SEMA3A: variants seen among roughly 807,000 people sequenced by gnomAD.
SEMA3A encodes semaphorin 3A.
In SEMA3A, 29 loss-of-function variants were observed where a neutral mutation model predicts 97.9. The observed-to-expected ratio is 0.30, with a 90% CI of 0.22 to 0.40. The LOEUF (loss-of-function observed/expected upper bound fraction) is 0.40. Ranked by LOEUF, SEMA3A falls within the 10% of genes least tolerant of loss-of-function variation. SEMA3A has a pLI of 1.00. For synonymous variants in SEMA3A, 321 were observed against 323.7 expected (o/e 0.99, Z 0.09); for missense variants, 763 against 951.3 (o/e 0.80, Z 2.60).
At position 84,154,270 on chromosome 7, in the gene SEMA3A, TG is replaced by T. The variant is rs574709061; in HGVS notation, c.113-19320del. Reference sequence around the variant, plus strand: ...AGTAAAGCTGGGATGCCAAAATATTTGGGGGAAAATAGTTTGGTGGAAATTG... The same window carrying T: ...AGTAAAGCTGGGATGCCAAAATATTTGGGGAAAATAGTTTGGTGGAAATTG... On this transcript the variant is annotated intron_variant, in intron 1 of 16. Coordinates refer to ENST00000265362, the MANE Select transcript of SEMA3A (RefSeq NM_006080.3). Among the ~76,000 whole-genome samples, 337 of 152,218 alleles carry T rather than the reference TG, an allele frequency of 2.2e-3. 2 individuals are homozygous for T. The highest frequency in any genetic ancestry group is 7.8e-3 in the African/African-American group (324 of 41,502).
chr7:84,454,044 C>T (rs889400469), intron 1 of SEMA3A, among the ~76,000 whole-genome samples: 25 of 152,118 alleles, frequency 1.6e-4, no homozygotes, highest in African/African-American at 6.0e-4. Context: ...TACTGTGCTG[C>T]AATTATTTAC....
intron 4 of SEMA3A, among the ~76,000 whole-genome samples, chr7:84,081,679 T>G (rs1056038161): frequency 1.8e-4 from 27 of 151,144 alleles, no homozygotes; most frequent in African/African-American, 6.3e-4. Context: ...AGTCAGTCTC[T>G]AAAAACTATG....
At chr7:84,003,967 C>A (rs949005235) in intron 11 of SEMA3A, among the ~76,000 whole-genome samples, 1 of 152,140 alleles carries the variant, frequency 6.6e-6, no homozygotes, top group Middle Eastern at 3.4e-3. Flanking sequence ...CACTGTTACA[C>A]CTGATAACAT....
intron 3 of SEMA3A, among the ~76,000 whole-genome samples, chr7:84,120,736 T>G (rs1030713085): frequency 2.0e-5 from 3 of 152,202 alleles, no homozygotes; most frequent in Admixed American, 1.3e-4. Flanking sequence ...CACATAAAAT[T>G]GTAATCGATA....
chr7:84,351,205 T>C (rs1030712685), intron 2 of SEMA3A, among the ~76,000 whole-genome samples: 1 of 152,078 alleles, frequency 6.6e-6, no homozygotes, highest in African/African-American at 2.4e-5. Flanking sequence ...ACATTTCTAA[T>C]GATTCAGGTG....
chr7:84,150,380 C>G (rs944914305), intron 1 of SEMA3A, among the ~76,000 whole-genome samples: 2 of 152,134 alleles, frequency 1.3e-5, no homozygotes, highest in Non-Finnish European at 2.9e-5. Flanking sequence ...TCAGTGGGTG[C>G]GCACACTGTG....
At chr7:84,286,000 A>C (rs549773920) in intron 3 of SEMA3A, among the ~76,000 whole-genome samples, 1 of 151,946 alleles carries the variant, frequency 6.6e-6, no homozygotes, top group African/African-American at 2.4e-5. Context: ...AAGAAGAAGA[A>C]AGAAATAAGA....
At chr7:84,316,029 C>A (rs1801487949) in intron 2 of SEMA3A, among the ~76,000 whole-genome samples, 1 of 145,496 alleles carries the variant, frequency 6.9e-6, no homozygotes, top group Non-Finnish European at 1.5e-5. Context: ...CAGTGGTGCA[C>A]ATCTGTAGTC....
At chr7:84,453,489 T>C (rs370754054) in intron 1 of SEMA3A, among the ~76,000 whole-genome samples, 1 of 151,872 alleles carries the variant, frequency 6.6e-6, no homozygotes, top group Non-Finnish European at 1.5e-5. Flanking sequence ...GCCCACCTCG[T>C]CCTCCCAAAG....
chr7:84,131,200 G>C (rs918435604), intron 2 of SEMA3A, among the ~76,000 whole-genome samples: 1 of 151,930 alleles, frequency 6.6e-6, no homozygotes, highest in African/African-American at 2.4e-5. Flanking sequence ...TTTAATGAGG[G>C]TAAGTATAAG....
intron 4 of SEMA3A, among the ~76,000 whole-genome samples, chr7:84,075,092 T>C (rs1013789612): frequency 5.3e-5 from 8 of 152,112 alleles, no homozygotes; most frequent in African/African-American, 1.7e-4. Context: ...ATATTTATTA[T>C]TGAGCTAGAC....
intron 1 of SEMA3A, among the ~76,000 whole-genome samples, chr7:84,135,601 T>A (rs1409983110): frequency 6.6e-6 from 1 of 152,212 alleles, no homozygotes; most frequent in Non-Finnish European, 1.5e-5. Context: ...AAAAACTTTT[T>A]AAAAGTGGTT....
chr7:84,025,498 T>G (rs1381652662), intron 6 of SEMA3A, among the ~76,000 whole-genome samples: 1 of 152,138 alleles, frequency 6.6e-6, no homozygotes, highest in Non-Finnish European at 1.5e-5. Flanking sequence ...CATCTCACAT[T>G]CTTAGCTAAC....
At chr7:84,400,561 A>G (rs1803874393) in intron 1 of SEMA3A, among the ~76,000 whole-genome samples, 1 of 152,230 alleles carries the variant, frequency 6.6e-6, no homozygotes, top group African/African-American at 2.4e-5. Flanking sequence ...CAGTGAGCTC[A>G]AAGTCAGGAT....
At chr7:84,313,258 G>A (rs577543640) in intron 2 of SEMA3A, among the ~76,000 whole-genome samples, 2 of 140,110 alleles carry the variant, frequency 1.4e-5, no homozygotes, top group Admixed American at 7.3e-5. Flanking sequence ...CATCCATCTC[G>A]CCTTCCATTT....
At chr7:84,297,155 T>G (rs950041015) in intron 3 of SEMA3A, among the ~76,000 whole-genome samples, 1 of 152,108 alleles carries the variant, frequency 6.6e-6, no homozygotes, top group South Asian at 2.1e-4. Context: ...CTTTGTATTT[T>G]TAGTAGAGAC....
intron 2 of SEMA3A, among the ~76,000 whole-genome samples, chr7:84,368,288 A>G (rs2116091305): frequency 6.6e-6 from 1 of 151,312 alleles, no homozygotes; most frequent in African/African-American, 2.4e-5. Flanking sequence ...ATGAAATTTA[A>G]TCCTTTATTT....
chr7:84,278,107 C>T (rs1332542367), intron 3 of SEMA3A, among the ~76,000 whole-genome samples: 2 of 152,052 alleles, frequency 1.3e-5, no homozygotes, highest in East Asian at 3.9e-4. Context: ...TACTTTGTGG[C>T]TTAGAAATTT....
In SEMA3A at chr7:84,042,797, C is replaced by T. The variant is rs181431791; in HGVS notation, c.667+3527G>A. Reference sequence around the variant, plus strand: ...CATAAACAATATTGGAAAACAGTCTCCATCAAATAAGAAAAATAAATGTGA... The same window carrying T: ...CATAAACAATATTGGAAAACAGTCTTCATCAAATAAGAAAAATAAATGTGA... On this transcript the variant is annotated intron_variant, in intron 6 of 16. Transcript: ENST00000265362. 1.2e-4 allele frequency among the ~76,000 whole-genome samples: 18 copies of T among 151,960 alleles called. No homozygotes were observed. The East Asian group carries it at 2.9e-3, about 24-fold the overall frequency.
Sources: allele counts gnomAD v4.1 joint callset (sites outside exome capture counted in the v4.1 genomes callset), GRCh38; gene constraint gnomAD v4.1.1; transcripts MANE v1.5; gene names NCBI Gene and HGNC (gene_info 2026-07-23, HGNC 2026-07-21).